The following FHIT variants were observed in gnomAD, a reference collection of about 807,000 sequenced individuals.
FHIT encodes the protein bis(5'-adenosyl)-triphosphatase.
In FHIT, 19 loss-of-function variants were observed where a neutral mutation model predicts 17.9. The observed-to-expected ratio is 1.06, with a 90% CI of 0.74 to 1.56. The LOEUF (loss-of-function observed/expected upper bound fraction) is 1.56, where lower values mean the gene tolerates loss of function less well. Ranked by LOEUF, FHIT falls within the 40% of genes most tolerant of loss-of-function variation. FHIT has a pLI of 0.00. For missense variants in FHIT, 248 were observed against 189.2 expected, an observed-to-expected ratio of 1.31 and a Z score of -1.82; for synonymous variants, 81 against 69.7, an observed-to-expected ratio of 1.16 and a Z score of -0.81.
chr3:60,957,743 T>C (rs1170024700), intron 3 of FHIT, among the ~76,000 whole-genome samples: 2 of 152,214 alleles, frequency 1.3e-5, no homozygotes, highest in Non-Finnish European at 2.9e-5. Context: ...TCCCTGATCT[T>C]GTATAAGGCA....
intron 5 of FHIT, among the ~76,000 whole-genome samples, chr3:60,079,857 A>T (rs1445017865): frequency 6.6e-6 from 1 of 152,096 alleles, no homozygotes; most frequent in African/African-American, 2.4e-5. Flanking sequence ...CTTATTGTTC[A>T]TCAGATCTGA....
At chr3:60,048,642 C>A (rs2106869126) in intron 5 of FHIT, among the ~76,000 whole-genome samples, 1 of 152,318 alleles carries the variant, frequency 6.6e-6, no homozygotes, top group South Asian at 2.1e-4. Context: ...GGACTTCCCT[C>A]TGCTTTATGA....
chr3:60,381,470 C>T (rs1418678539), intron 5 of FHIT, among the ~76,000 whole-genome samples: 1 of 150,254 alleles, frequency 6.7e-6, no homozygotes, highest in East Asian at 1.9e-4. Flanking sequence ...AAGAGCAAAA[C>T]TCCATCTCAA....
intron 5 of FHIT, among the ~76,000 whole-genome samples, chr3:60,160,954 CA>C (rs1013936602): frequency 1.3e-4 from 19 of 143,990 alleles, no homozygotes; most frequent in Admixed American, 1.4e-4. Flanking sequence ...CCAGACAAAG[CA>C]AAAAAAAAAG....
intron 8 of FHIT, among the ~76,000 whole-genome samples, chr3:59,901,344 G>C (rs1704320882): frequency 6.6e-6 from 1 of 152,228 alleles, no homozygotes; most frequent in East Asian, 1.9e-4. Context: ...TCACCTGCAA[G>C]ACAAAGGTAA....
intron 1 of FHIT, among the ~76,000 whole-genome samples, chr3:61,209,812 C>T (rs929340056): frequency 6.6e-6 from 1 of 152,162 alleles, no homozygotes; most frequent in Non-Finnish European, 1.5e-5. Flanking sequence ...ACTCTTGACT[C>T]ATCAAAGTCA....
intron 3 of FHIT, among the ~76,000 whole-genome samples, chr3:60,928,213 T>A (rs1553770587): frequency 1.3e-5 from 2 of 151,900 alleles, no homozygotes; most frequent in East Asian, 3.9e-4. Flanking sequence ...CAGAGACCTT[T>A]GTTCACATGT....
intron 4 of FHIT, among the ~76,000 whole-genome samples, chr3:60,782,425 G>T (rs1459455907): frequency 1.6e-4 from 24 of 152,126 alleles, no homozygotes; most frequent in Admixed American, 1.6e-3. Context: ...TGGCTGTGAG[G>T]CAAGGACCAG....
chr3:59,879,012 G>GA (rs142759260), intron 8 of FHIT, among the ~76,000 whole-genome samples: 14,893 of 144,698 alleles, frequency 0.1, 2,371 homozygotes, highest in African/African-American at 0.35. Flanking sequence ...GTCAGCAAAG[G>GA]AAAAAAAAAA....
intron 4 of FHIT, among the ~76,000 whole-genome samples, chr3:60,568,029 C>T (rs1464092438): frequency 6.6e-6 from 1 of 152,128 alleles, no homozygotes; most frequent in Non-Finnish European, 1.5e-5. Flanking sequence ...CTAGTTCAAC[C>T]ATTGTGGAAG....
At chr3:60,634,024 G>GT in intron 4 of FHIT, among the ~76,000 whole-genome samples, 1 of 152,320 alleles carries the variant, frequency 6.6e-6, no homozygotes, top group Non-Finnish European at 1.5e-5. Context: ...CTGCTGTACT[G>GT]TAAGTAGAAA....
chr3:61,136,069 A>C (rs942568059), intron 2 of FHIT, among the ~76,000 whole-genome samples: 2 of 152,060 alleles, frequency 1.3e-5, no homozygotes, highest in Non-Finnish European at 2.9e-5. Context: ...TCTTTAACAC[A>C]AGAACAAGGA....
chr3:60,458,004 C>T (rs146568031), intron 5 of FHIT, among the ~76,000 whole-genome samples: 10,056 of 152,180 alleles, frequency 0.066, 784 homozygotes, highest in East Asian at 0.38. Context: ...ACTACTTCAA[C>T]CATTGTGGAA....
rs148356950 is a variant in FHIT at position 59,942,750 on chromosome 3, G to A, written c.280-20336C>T. On this transcript the variant is annotated intron_variant, in intron 7 of 9. Coordinates refer to ENST00000492590, the MANE Select transcript of FHIT (RefSeq NM_002012.4). ...TGCAGCCTCTACCTCCCAGGCTCAA[G>A]TGATCCTCCCACCTCAGGCTCCCAA... Among the ~76,000 whole-genome samples the A allele has an allele frequency of 2.2e-4, 34 of 152,234 alleles. No individual in the cohort carries two copies. The East Asian group carries it at 5.4e-3, about 24-fold the overall frequency.
At chr3:60,732,685 T>TG in intron 4 of FHIT, 1 of 13,150 alleles carries the variant, frequency 7.6e-5, no homozygotes, top group Admixed American at 7.0e-4. Flanking sequence ...CAAAGACTGC[T>TG]TTTTTTTTTT....
intron 8 of FHIT, among the ~76,000 whole-genome samples, chr3:59,884,738 A>T (rs1028127582): frequency 2.0e-5 from 3 of 152,206 alleles, no homozygotes; most frequent in Admixed American, 6.5e-5. Context: ...CAGGCAGGAT[A>T]GAATGGGAGA....
At chr3:60,930,078 G>T (rs1707863167) in intron 3 of FHIT, among the ~76,000 whole-genome samples, 1 of 152,090 alleles carries the variant, frequency 6.6e-6, no homozygotes, top group South Asian at 2.1e-4. Flanking sequence ...ACAACTATCT[G>T]ATCTTTGACA....
intron 4 of FHIT, among the ~76,000 whole-genome samples, chr3:60,589,382 C>T (rs1349337385): frequency 1.3e-5 from 2 of 151,954 alleles, no homozygotes; most frequent in African/African-American, 2.4e-5. Context: ...GGGAGGAAGC[C>T]CATTATACAC....
intron 5 of FHIT, among the ~76,000 whole-genome samples, chr3:60,275,537 C>T (rs371836232): frequency 7.2e-5 from 11 of 152,058 alleles, no homozygotes; most frequent in African/African-American, 1.4e-4. Context: ...CAGGTTTTTC[C>T]GGTAGTCTTG....
Sources: allele counts gnomAD v4.1 joint callset (sites outside exome capture counted in the v4.1 genomes callset), GRCh38; gene constraint gnomAD v4.1.1; transcripts MANE v1.5; gene names NCBI Gene and HGNC (gene_info 2026-07-23, HGNC 2026-07-21).